TNR: variants seen among roughly 807,000 people sequenced by gnomAD.
TNR encodes the protein tenascin R, also known as tenascin-R.
A neutral mutation model predicts 150.4 loss-of-function variants in TNR; 45 were observed. The observed-to-expected ratio is 0.30, with a 90% CI of 0.24 to 0.38. TNR has a LOEUF of 0.38. Among genes scored for constraint, TNR ranks in the 10% least tolerant of loss-of-function variants. The pLI is 1.00. For synonymous variants in TNR, 687 were observed against 678.4 expected, an observed-to-expected ratio of 1.01 and a Z score of -0.20; for missense variants, 1,544 against 1,759.1, an observed-to-expected ratio of 0.88 and a Z score of 2.19.
At chr1:175,329,546 G>A (rs919090860) in intron 21 of TNR, among the ~76,000 whole-genome samples, 1 of 152,202 alleles carries the variant, frequency 6.6e-6, no homozygotes, top group Non-Finnish European at 1.5e-5. Flanking sequence ...CTAGGTGTTA[G>A]CATGACCGCT....
chr1:175,332,966 TAGA>T (rs1303480346), intron 20 of TNR, among the ~76,000 whole-genome samples: 3 of 152,222 alleles, frequency 2.0e-5, no homozygotes, highest in Non-Finnish European at 2.9e-5. Context: ...TCTTTTGTAA[TAGA>T]AGAAGGAGAT....
rs533696844 is a variant in TNR at position 175,421,702 on chromosome 1, T to C, written c.-63-14925A>G. Among the ~76,000 whole-genome samples the C allele has an allele frequency of 7.0e-3, 1,061 of 152,330 alleles. 3 individuals are homozygous for C. The highest frequency in any genetic ancestry group is 9.4e-3 in the Non-Finnish European group (641 of 68,024). On this transcript the variant is annotated intron_variant, in intron 2 of 22. Coordinates refer to ENST00000367674, the MANE Select transcript of TNR (RefSeq NM_003285.3). Reference sequence around the variant, plus strand: ...TGCCTTTCTCCAAAATAACAAGATCTCTGGGCTCTTCCTACATGACCAAAA... The same window carrying C: ...TGCCTTTCTCCAAAATAACAAGATCCCTGGGCTCTTCCTACATGACCAAAA...
At chr1:175,714,091 T>C (rs750119353) in intron 1 of TNR, among the ~76,000 whole-genome samples, 1 of 151,718 alleles carries the variant, frequency 6.6e-6, no homozygotes, top group Admixed American at 6.6e-5. Flanking sequence ...GCTTGTATGG[T>C]TTCTTCACTC....
chr1:175,632,431 T>C (rs1033659245), intron 1 of TNR, among the ~76,000 whole-genome samples: 1 of 152,196 alleles, frequency 6.6e-6, no homozygotes, highest in African/African-American at 2.4e-5. Flanking sequence ...ACAGAAACTA[T>C]TATTTCAACA....
intron 2 of TNR, among the ~76,000 whole-genome samples, chr1:175,445,499 A>G (rs1656009594): frequency 6.6e-6 from 1 of 152,182 alleles, no homozygotes. Flanking sequence ...TTCAACACAA[A>G]AAGTGTTGAC....
At chr1:175,512,604 A>G (rs959471834) in intron 2 of TNR, among the ~76,000 whole-genome samples, 5 of 152,214 alleles carry the variant, frequency 3.3e-5, no homozygotes, top group African/African-American at 1.2e-4. Flanking sequence ...TCTGCCTAGG[A>G]ATTTAGAATG....
At chr1:175,717,722 G>T (rs1033220554) in intron 1 of TNR, among the ~76,000 whole-genome samples, 1 of 152,198 alleles carries the variant, frequency 6.6e-6, no homozygotes, top group African/African-American at 2.4e-5. Flanking sequence ...AACTACCCTA[G>T]TCAAAGGCCC....
At chr1:175,476,606 C>T (rs367698842) in intron 2 of TNR, among the ~76,000 whole-genome samples, 1 of 152,180 alleles carries the variant, frequency 6.6e-6, no homozygotes, top group African/African-American at 2.4e-5. Context: ...TCCACACTTC[C>T]TCCCCATCCT....
At chr1:175,543,077 A>G (rs1222553636) in intron 1 of TNR, among the ~76,000 whole-genome samples, 1 of 152,226 alleles carries the variant, frequency 6.6e-6, no homozygotes, top group Non-Finnish European at 1.5e-5. Context: ...ACGTTTGAAC[A>G]CACGGCCCCA....
At chr1:175,641,940 T>C (rs931647902) in intron 1 of TNR, among the ~76,000 whole-genome samples, 10 of 152,204 alleles carry the variant, frequency 6.6e-5, no homozygotes, top group Non-Finnish European at 1.5e-4. Context: ...ATTTGGAATC[T>C]AATAGGTGTT....
At chr1:175,588,882 AT>A (rs1416070182) in intron 1 of TNR, among the ~76,000 whole-genome samples, 1 of 152,162 alleles carries the variant, frequency 6.6e-6, no homozygotes, top group Non-Finnish European at 1.5e-5. Flanking sequence ...GCCCACAGTA[AT>A]GCCTTAACTG....
At chr1:175,552,564 C>T (rs1571597278) in intron 1 of TNR, among the ~76,000 whole-genome samples, 1 of 152,206 alleles carries the variant, frequency 6.6e-6, no homozygotes, top group African/African-American at 2.4e-5. Context: ...CATTGTCACA[C>T]AGCCTGGACT....
chr1:175,424,977 TG>T (rs1654910394), intron 2 of TNR, among the ~76,000 whole-genome samples: 1 of 152,088 alleles, frequency 6.6e-6, no homozygotes, highest in African/African-American at 2.4e-5. Flanking sequence ...TCAGCAGACC[TG>T]GGGGGCCTGG....
intron 1 of TNR, among the ~76,000 whole-genome samples, chr1:175,628,975 G>A (rs1384537111): frequency 6.6e-6 from 1 of 152,182 alleles, no homozygotes; most frequent in African/African-American, 2.4e-5. Flanking sequence ...CTTGTGCTCT[G>A]AGAGTGTGAT....
chr1:175,686,717 C>T (rs1056183812), intron 1 of TNR, among the ~76,000 whole-genome samples: 2 of 152,064 alleles, frequency 1.3e-5, no homozygotes, highest in African/African-American at 4.8e-5. Context: ...GTTTAGTTCC[C>T]GCTTATAAGT....
In TNR at chr1:175,396,731, T is replaced by A; in HGVS notation, c.1053A>T (p.Ala351=). The change falls in exon 5 of 23, where the codon GCA becomes GCT. Residue 351 remains alanine (A), a synonymous_variant. Coordinates refer to ENST00000367674, the MANE Select transcript of TNR (RefSeq NM_003285.3). ...GGTAAGAGATCACATATTCCGTCAC[T>A]GCCATCGGCCCGTCCCATTCCAGCT... is the stretch of plus-strand genomic sequence containing the variant. ...SIELEWDGPM[A]VTEYVISYQP... The A allele has an allele frequency of 6.2e-7, 1 of 1,614,200 alleles. No individual in the cohort carries two copies. The highest frequency in any genetic ancestry group is 1.7e-5 in the Admixed American group (1 of 60,028).
intron 1 of TNR, among the ~76,000 whole-genome samples, chr1:175,648,563 C>T (rs1194066989): frequency 6.6e-6 from 1 of 152,128 alleles, no homozygotes; most frequent in Non-Finnish European, 1.5e-5. Context: ...GGGAGTGCCT[C>T]ACCCCATACC....
At chr1:175,546,161 C>G (rs1447370971) in intron 1 of TNR, among the ~76,000 whole-genome samples, 1 of 152,148 alleles carries the variant, frequency 6.6e-6, no homozygotes, top group Admixed American at 6.5e-5. Context: ...AGGACAGGAA[C>G]AGAGGAGGAA....
At chr1:175,681,398 G>T (rs1409296886) in intron 1 of TNR, among the ~76,000 whole-genome samples, 5 of 152,220 alleles carry the variant, frequency 3.3e-5, no homozygotes, top group Non-Finnish European at 5.9e-5. Flanking sequence ...GGAAGTCAAA[G>T]AGAACCAAGG....
Sources: gnomAD v4.1 joint callset for allele counts (sites outside exome capture counted in the v4.1 genomes callset) on GRCh38, gnomAD v4.1.1 for gene constraint, MANE v1.5 for transcripts, NCBI Gene and HGNC (gene_info 2026-07-23, HGNC 2026-07-21) for gene names.